ADAMTSL1: variants seen among roughly 807,000 people sequenced by gnomAD.
ADAMTSL1 encodes the protein ADAMTS like 1.
ADAMTSL1 carries 126 observed loss-of-function variants against 201.8 expected under a neutral mutation model. That is an observed-to-expected ratio of 0.62 (90% confidence interval 0.54 to 0.72). The LOEUF (loss-of-function observed/expected upper bound fraction) is 0.72, where lower values mean the gene tolerates loss of function less well. ADAMTSL1 is among the 30% of genes least tolerant of loss of function. ADAMTSL1 has a pLI of 0.00. For synonymous variants in ADAMTSL1, 1,121 were observed against 903.4 expected, an observed-to-expected ratio of 1.24 and a Z score of -4.32; for missense variants, 2,679 against 2,277.8, an observed-to-expected ratio of 1.18 and a Z score of -3.59.
intron 2 of ADAMTSL1, among the ~76,000 whole-genome samples, chr9:18,467,526 G>A (rs1243989521): frequency 6.6e-6 from 1 of 152,146 alleles, no homozygotes; most frequent in African/African-American, 2.4e-5. Flanking sequence ...GATATATAAT[G>A]CATTCAAATA....
At chr9:18,653,523 G>A (rs993350946) in intron 7 of ADAMTSL1, among the ~76,000 whole-genome samples, 3 of 151,810 alleles carry the variant, frequency 2.0e-5, no homozygotes, top group Non-Finnish European at 4.4e-5. Context: ...TGCCTGGAAT[G>A]CTGGCACTTT....
chr9:18,312,534 A>G (rs750349704), intron 2 of ADAMTSL1, among the ~76,000 whole-genome samples: 1 of 152,210 alleles, frequency 6.6e-6, no homozygotes, highest in Non-Finnish European at 1.5e-5. Flanking sequence ...TGGACTGTGC[A>G]CATAACTTCA....
intron 2 of ADAMTSL1, among the ~76,000 whole-genome samples, chr9:18,352,825 C>T (rs1452718065): frequency 3.3e-5 from 5 of 152,190 alleles, no homozygotes; most frequent in South Asian, 2.1e-4. Flanking sequence ...AATCAGTCAG[C>T]GTCCCTGGCA....
intron 2 of ADAMTSL1, among the ~76,000 whole-genome samples, chr9:18,404,024 T>A (rs149165787): frequency 1.3e-5 from 2 of 152,264 alleles, no homozygotes; most frequent in East Asian, 3.9e-4. Context: ...GATGAGGTTA[T>A]AGCCTTCTGT....
At chr9:18,191,329 A>T (rs1026986307) in intron 2 of ADAMTSL1, among the ~76,000 whole-genome samples, 2 of 152,154 alleles carry the variant, frequency 1.3e-5, no homozygotes, top group East Asian at 3.9e-4. Context: ...TGTCTTGTCC[A>T]GCCACCCTCA....
chr9:18,113,778 G>T (rs914821346), intron 1 of ADAMTSL1, among the ~76,000 whole-genome samples: 4 of 152,060 alleles, frequency 2.6e-5, no homozygotes, highest in Non-Finnish European at 5.9e-5. Flanking sequence ...TTAAAATTAA[G>T]TATATTGATA....
chr9:18,548,339 T>C (rs1662042902), intron 3 of ADAMTSL1, among the ~76,000 whole-genome samples: 1 of 152,088 alleles, frequency 6.6e-6, no homozygotes, highest in Non-Finnish European at 1.5e-5. Flanking sequence ...ACGTTTATTT[T>C]TGTGCTTTTT....
intron 1 of ADAMTSL1, among the ~76,000 whole-genome samples, chr9:18,143,408 A>G (rs1004086185): frequency 6.6e-5 from 10 of 152,058 alleles, no homozygotes; most frequent in Non-Finnish European, 1.5e-5. Context: ...AGTAACTTCC[A>G]CTTCACTCTA....
intron 13 of ADAMTSL1, among the ~76,000 whole-genome samples, chr9:18,693,392 G>T (rs1587914714): frequency 3.9e-5 from 6 of 152,244 alleles, no homozygotes; most frequent in Admixed American, 3.9e-4. Context: ...ATAACTATAA[G>T]AAATATAAAT....
intron 14 of ADAMTSL1, among the ~76,000 whole-genome samples, chr9:18,711,192 C>T (rs189713785): frequency 2.0e-5 from 3 of 152,304 alleles, no homozygotes; most frequent in Admixed American, 6.5e-5. Flanking sequence ...AAACATTGTT[C>T]CTTATGTAAA....
At chr9:18,496,034 C>G (rs1822518364) in intron 1 of ADAMTSL1, among the ~76,000 whole-genome samples, 1 of 152,102 alleles carries the variant, frequency 6.6e-6, no homozygotes. Context: ...ATAATTATTT[C>G]AATAACTGTA....
intron 2 of ADAMTSL1, among the ~76,000 whole-genome samples, chr9:18,285,475 T>A (rs1832957047): frequency 6.6e-6 from 1 of 152,180 alleles, no homozygotes; most frequent in African/African-American, 2.4e-5. Flanking sequence ...TGTAGAGTTC[T>A]AGCTACTGCA....
intron 19 of ADAMTSL1, among the ~76,000 whole-genome samples, chr9:18,785,706 T>A (rs970076732): frequency 2.0e-5 from 3 of 152,222 alleles, no homozygotes; most frequent in Non-Finnish European, 4.4e-5. Flanking sequence ...CCAAAGAACC[T>A]GGTAAATTTT....
At chr9:18,861,014 CCCT>C (rs1172216338) in intron 23 of ADAMTSL1, among the ~76,000 whole-genome samples, 1 of 152,178 alleles carries the variant, frequency 6.6e-6, no homozygotes, top group African/African-American at 2.4e-5. Flanking sequence ...ACATACACAT[CCCT>C]CGTTTCACAG....
intron 2 of ADAMTSL1, among the ~76,000 whole-genome samples, chr9:18,237,080 A>C (rs546247975): frequency 2.0e-4 from 31 of 152,368 alleles, no homozygotes; most frequent in African/African-American, 7.0e-4. Context: ...CTCCAAGTGA[A>C]AATAGATCCA....
chr9:17,923,119 T>C (rs1268887487), intron 1 of ADAMTSL1, among the ~76,000 whole-genome samples: 1 of 152,122 alleles, frequency 6.6e-6, no homozygotes. Flanking sequence ...GACTTGGCAA[T>C]GCGGGCTCTT....
At chr9:17,940,722 A>G (rs948330460) in intron 1 of ADAMTSL1, among the ~76,000 whole-genome samples, 1 of 139,962 alleles carries the variant, frequency 7.1e-6, no homozygotes, top group African/African-American at 2.7e-5. Context: ...CAAAAAAAAA[A>G]AAAAAGAAAA....
At chr9:18,725,044 C>G (rs768901447) in intron 15 of ADAMTSL1, among the ~76,000 whole-genome samples, 1 of 152,016 alleles carries the variant, frequency 6.6e-6, no homozygotes, top group Non-Finnish European at 1.5e-5. Context: ...GTAGCTGGAA[C>G]TACAGGCGCC....
intron 4 of ADAMTSL1, among the ~76,000 whole-genome samples, chr9:18,576,825 T>A (rs1822765622): frequency 6.6e-6 from 1 of 152,010 alleles, no homozygotes; most frequent in Non-Finnish European, 1.5e-5. Flanking sequence ...CTAGGTACTT[T>A]ATTTTTTTTT....
Sources: gnomAD v4.1 joint callset for allele counts (sites outside exome capture counted in the v4.1 genomes callset) on GRCh38, gnomAD v4.1.1 for gene constraint, MANE v1.5 for transcripts, NCBI Gene and HGNC (gene_info 2026-07-23, HGNC 2026-07-21) for gene names.